FUT9: variants seen among roughly 807,000 people sequenced by gnomAD.
FUT9 encodes 4-galactosyl-N-acetylglucosaminide 3-alpha-L-fucosyltransferase 9.
In FUT9, 15 loss-of-function variants were observed where a neutral mutation model predicts 29.7. That is an observed-to-expected ratio of 0.51 (90% CI 0.34 to 0.78). The LOEUF is 0.78. Ranked by LOEUF, FUT9 falls within the 30% of genes least tolerant of loss-of-function variation. The pLI is 0.01. For synonymous variants in FUT9, 169 were observed against 153.7 expected (o/e 1.10, Z -0.74); for missense variants, 319 against 425.4 (o/e 0.75, Z 2.20).
At position 96,191,837 on chromosome 6, in the gene FUT9, C is replaced by G. The variant is rs918672893; in HGVS notation, c.-8-11311C>G. ...TGGCAAACCGAATCCAGCAGCACAT[C>G]AAAAAGCTTATCTAACATGACCAAG... On this transcript the variant is annotated intron_variant, in intron 2 of 2. Coordinates refer to ENST00000302103, the MANE Select transcript of FUT9 (RefSeq NM_006581.4). 2.6e-5 allele frequency among the ~76,000 whole-genome samples: 4 copies of G among 152,180 alleles called. No homozygotes were observed. In the East Asian group the frequency reaches 7.7e-4, roughly 29 times the overall value.
chr6:96,037,174 T>C (rs1327339678), intron 1 of FUT9: 2 of 152,052 alleles, frequency 1.3e-5, no homozygotes, highest in Non-Finnish European at 2.9e-5. Context: ...TTAACAGTTA[T>C]TAGCCTTTGT....
chr6:96,089,286 C>T (rs1241430734), intron 1 of FUT9, among the ~76,000 whole-genome samples: 1 of 152,112 alleles, frequency 6.6e-6, no homozygotes, highest in East Asian at 1.9e-4. Context: ...TGGATACTTT[C>T]CCCTGAGAAT....
At chr6:96,090,500 C>T (rs1462395937) in intron 1 of FUT9, among the ~76,000 whole-genome samples, 1 of 151,536 alleles carries the variant, frequency 6.6e-6, no homozygotes, top group East Asian at 1.9e-4. Context: ...TCAAATTTTA[C>T]TATTTATATA....
intron 1 of FUT9, among the ~76,000 whole-genome samples, chr6:96,091,789 T>A (rs1771415502): frequency 6.6e-6 from 1 of 152,022 alleles, no homozygotes; most frequent in African/African-American, 2.4e-5. Flanking sequence ...AATTTGGAAA[T>A]TTTCCATTTA....
At position 96,213,892 on chromosome 6, in the gene FUT9, T is replaced by C. The variant is rs1010470024; in HGVS notation, c.*9657T>C. ...GACTATATTAAGGTTGTGTTTATAT[T>C]AGGTGAAAAATTGCATGCAATTGGT... On this transcript the variant is annotated 3_prime_UTR_variant, in exon 3 of 3. Coordinates refer to ENST00000302103, the MANE Select transcript of FUT9 (RefSeq NM_006581.4). 6.0e-6 allele frequency: 1 copy of C among 166,968 alleles called. No individual in the cohort carries two copies. The highest frequency in any genetic ancestry group is 1.5e-5 in the Non-Finnish European group (1 of 68,040). 10.3% of individuals were successfully genotyped at this position (166,968 alleles called of 1,614,324 possible). A position where few individuals can be genotyped will look rare whatever the true frequency, so the allele number is the denominator to read the frequency against.
chr6:96,097,800 T>C (rs1196100517), intron 1 of FUT9, among the ~76,000 whole-genome samples: 4 of 152,180 alleles, frequency 2.6e-5, no homozygotes, highest in Non-Finnish European at 5.9e-5. Context: ...TATTTTATCA[T>C]TATGTGTCTG....
intron 1 of FUT9, among the ~76,000 whole-genome samples, chr6:96,045,500 C>T (rs1770547091): frequency 2.0e-5 from 3 of 152,154 alleles, no homozygotes; most frequent in African/African-American, 7.2e-5. Context: ...TTCAATGACT[C>T]TCTTTATTAA....
At chr6:96,055,333 C>CTAT (rs1164386507) in intron 1 of FUT9, among the ~76,000 whole-genome samples, 2 of 151,456 alleles carry the variant, frequency 1.3e-5, no homozygotes, top group African/African-American at 4.8e-5. Flanking sequence ...TTTTATTTGA[C>CTAT]CCAATAACTA....
At chr6:96,035,337 A>G (rs1770331775) in intron 1 of FUT9, among the ~76,000 whole-genome samples, 1 of 151,452 alleles carries the variant, frequency 6.6e-6, no homozygotes, top group African/African-American at 2.4e-5. Flanking sequence ...ATGCATTGAA[A>G]ACAAATTATT....
Position 96,016,224 on chromosome 6 carries a change from GGA to G in FUT9, c.-98+16_-98+17del, listed in dbSNP as rs1203606503. 6.6e-6 allele frequency: 1 copy of G among 152,440 alleles called. No homozygotes were observed. The highest frequency in any genetic ancestry group is 2.4e-5 in the African/African-American group (1 of 41,456). 9.4% of individuals were successfully genotyped at this position (152,440 alleles called of 1,614,324 possible). Reference sequence around the variant, plus strand: ...TACCCCTAGGACCGGTGAGTAGGCGGGAGAGTGCAGGGGGTCGGGCGTCAAAG... The same window carrying G: ...TACCCCTAGGACCGGTGAGTAGGCGGGAGTGCAGGGGGTCGGGCGTCAAAG... On this transcript the variant is annotated intron_variant, in intron 1 of 2. Transcript: ENST00000302103.
At chr6:96,196,482 G>A (rs1343971416) in intron 2 of FUT9, among the ~76,000 whole-genome samples, 1 of 152,078 alleles carries the variant, frequency 6.6e-6, no homozygotes, top group Non-Finnish European at 1.5e-5. Context: ...GGGAGGTTGA[G>A]GCGGGCAGAT....
chr6:96,181,918 A>G (rs371642760), intron 2 of FUT9, among the ~76,000 whole-genome samples: 1 of 151,960 alleles, frequency 6.6e-6, no homozygotes, highest in African/African-American at 2.4e-5. Flanking sequence ...TTGTATAACA[A>G]CTACTTTTTT....
intron 2 of FUT9, among the ~76,000 whole-genome samples, chr6:96,159,143 TAAAG>T (rs961970079): frequency 2.0e-5 from 3 of 151,920 alleles, no homozygotes; most frequent in African/African-American, 7.2e-5. Flanking sequence ...TTAGAGAAAA[TAAAG>T]AGCTACAGAA....
intron 1 of FUT9, among the ~76,000 whole-genome samples, chr6:96,110,561 G>T (rs1345257349): frequency 6.6e-6 from 1 of 152,174 alleles, no homozygotes; most frequent in African/African-American, 2.4e-5. Flanking sequence ...GCCTCGACAA[G>T]CTGGGAAGAA....
chr6:96,199,386 G>C (rs1264821692), intron 2 of FUT9, among the ~76,000 whole-genome samples: 1 of 152,044 alleles, frequency 6.6e-6, no homozygotes, highest in African/African-American at 2.4e-5. Context: ...CTATTATTTA[G>C]TAACTGACCC....
intron 1 of FUT9, among the ~76,000 whole-genome samples, chr6:96,087,037 C>G (rs571185193): frequency 6.6e-6 from 1 of 152,076 alleles, no homozygotes; most frequent in African/African-American, 2.4e-5. Flanking sequence ...ACAAACGTTA[C>G]GCATATGGGT....
At chr6:96,164,253 C>CTTTTTT (rs57049980) in intron 2 of FUT9, among the ~76,000 whole-genome samples, 14 of 105,782 alleles carry the variant, frequency 1.3e-4, no homozygotes, top group Non-Finnish European at 2.0e-4. Context: ...GATCCAGGTT[C>CTTTTTT]TTTTTTTTTT....
chr6:96,174,354 G>A (rs1197573711), intron 2 of FUT9, among the ~76,000 whole-genome samples: 1 of 152,114 alleles, frequency 6.6e-6, no homozygotes, highest in Non-Finnish European at 1.5e-5. Context: ...TATAAAAAGT[G>A]CTGTAAAAAT....
chr6:96,209,192 C>T lies in FUT9; in HGVS notation c.*4957C>T, dbSNP rs1049791994. On this transcript the variant is annotated 3_prime_UTR_variant, in exon 3 of 3. Transcript: ENST00000302103. ...TAGCACTATTACTCTTATCTAAGATCGAAATTGATATATGCATGAAATTCC... is the reference window on the plus strand; with the variant it reads ...TAGCACTATTACTCTTATCTAAGATTGAAATTGATATATGCATGAAATTCC... 3 of 166,722 alleles carry T rather than the reference C, an allele frequency of 1.8e-5. No homozygotes were observed. The highest frequency in any genetic ancestry group is 2.9e-5 in the Non-Finnish European group (2 of 67,980). 10.3% of individuals were successfully genotyped at this position (166,722 alleles called of 1,614,324 possible). A position where few individuals can be genotyped will look rare whatever the true frequency, so the allele number is the denominator to read the frequency against.
Sources: gnomAD v4.1 joint callset for allele counts (sites outside exome capture counted in the v4.1 genomes callset) on GRCh38, gnomAD v4.1.1 for gene constraint, MANE v1.5 for transcripts, NCBI Gene and HGNC (gene_info 2026-07-23, HGNC 2026-07-21) for gene names.